Variants in CDH13 observed in about 807,000 individuals in gnomAD.
CDH13 encodes cadherin-13.
In CDH13, 24 loss-of-function variants were observed where a neutral mutation model predicts 63.8. The observed-to-expected ratio is 0.38, with a 90% confidence interval of 0.27 to 0.53. CDH13 has a LOEUF of 0.53. Ranked by LOEUF, CDH13 falls within the 20% of genes least tolerant of loss-of-function variation. The pLI is 0.85. For missense variants in CDH13, 1,049 were observed against 903.1 expected (o/e 1.16, Z -2.07); for synonymous variants, 503 against 355.3 (o/e 1.42, Z -4.67).
intron 7 of CDH13, among the ~76,000 whole-genome samples, chr16:83,521,206 T>C (rs1413276439): frequency 6.6e-6 from 1 of 152,190 alleles, no homozygotes; most frequent in South Asian, 2.1e-4. Context: ...GCGTGTTAGC[T>C]CTCAGTAATT....
chr16:83,677,512 G>T (rs992766015), intron 9 of CDH13, among the ~76,000 whole-genome samples: 1 of 70,834 alleles, frequency 1.4e-5, no homozygotes, highest in Non-Finnish European at 2.9e-5. Flanking sequence ...CATGCCCTCA[G>T]TTGGGCCAGG....
intron 4 of CDH13, among the ~76,000 whole-genome samples, chr16:83,165,975 A>G (rs1407282210): frequency 6.6e-6 from 1 of 152,132 alleles, no homozygotes; most frequent in East Asian, 1.9e-4. Context: ...GCAAAAGAGT[A>G]GTTAGCTCTA....
At chr16:83,200,965 G>GTGTGTGTC (rs34095925) in intron 4 of CDH13, among the ~76,000 whole-genome samples, 3,249 of 144,440 alleles carry the variant, frequency 0.022, 53 homozygotes, top group Non-Finnish European at 0.03. Flanking sequence ...GTGTGTGTGT[G>GTGTGTGTC]TGTGTGTTAT....
chr16:83,312,789 A>C (rs1270889233), intron 5 of CDH13, among the ~76,000 whole-genome samples: 1 of 152,192 alleles, frequency 6.6e-6, no homozygotes, highest in African/African-American at 2.4e-5. Context: ...CCAAACCTAA[A>C]TTGCAAATCT....
At chr16:82,716,216 C>T (rs1274862294) in intron 1 of CDH13, among the ~76,000 whole-genome samples, 1 of 152,142 alleles carries the variant, frequency 6.6e-6, no homozygotes, top group African/African-American at 2.4e-5. Context: ...ATGTCCTCTG[C>T]TTCCTGCCTT....
chr16:83,745,742 G>T (rs568151825), intron 10 of CDH13, among the ~76,000 whole-genome samples: 1 of 152,254 alleles, frequency 6.6e-6, no homozygotes, highest in South Asian at 2.1e-4. Flanking sequence ...ATGGACAAGG[G>T]CAGTTCTTCT....
chr16:83,264,077 T>G (rs755679597), intron 5 of CDH13, among the ~76,000 whole-genome samples: 1 of 152,220 alleles, frequency 6.6e-6, no homozygotes, highest in Non-Finnish European at 1.5e-5. Context: ...TTTCTTAACA[T>G]ACTGCCATTA....
chr16:83,208,976 C>A (rs958786483), intron 4 of CDH13, among the ~76,000 whole-genome samples: 2 of 152,122 alleles, frequency 1.3e-5, no homozygotes, highest in East Asian at 1.9e-4. Flanking sequence ...TTTTCAACTC[C>A]TAAGCATTAC....
chr16:83,477,122 G>A (rs1258092918), intron 6 of CDH13, among the ~76,000 whole-genome samples: 1 of 152,182 alleles, frequency 6.6e-6, no homozygotes, highest in Non-Finnish European at 1.5e-5. Context: ...AGAAAGAAGG[G>A]CAGACACTGG....
At chr16:83,104,994 C>G (rs1329328350) in intron 3 of CDH13, among the ~76,000 whole-genome samples, 1 of 152,200 alleles carries the variant, frequency 6.6e-6, no homozygotes, top group South Asian at 2.1e-4. Context: ...TTTTCTCTCT[C>G]TCTTTTGGCA....
chr16:83,406,420 C>CCA (rs1407298837), intron 6 of CDH13, among the ~76,000 whole-genome samples: 21 of 149,140 alleles, frequency 1.4e-4, no homozygotes, highest in Admixed American at 4.7e-4. Context: ...CTTTCTTTCC[C>CCA]CCCCCGCCTC....
At chr16:83,306,185 GT>G (rs2089872814) in intron 5 of CDH13, among the ~76,000 whole-genome samples, 1 of 152,212 alleles carries the variant, frequency 6.6e-6, no homozygotes, top group African/African-American at 2.4e-5. Context: ...GAGAACTACT[GT>G]TCCAACATAT....
rs573131930 is a variant in CDH13 at position 83,791,733 on chromosome 16, C to T, written c.2135-3290C>T. Among the ~76,000 whole-genome samples, 8 of 148,960 alleles carry T rather than the reference C, an allele frequency of 5.4e-5. No homozygotes were observed. The South Asian group carries it at 1.5e-3, about 28-fold the overall frequency. The stretch of plus-strand genomic sequence containing the variant: ...GGCTGAGGCAGGAGAATCGCTTGAA[C>T]CCAGGAGTTGGAGGTTGCAGTGAGC... On this transcript the variant is annotated intron_variant, in intron 13 of 13. Transcript: ENST00000567109.
At chr16:82,781,298 G>T (rs567381002) in intron 1 of CDH13, among the ~76,000 whole-genome samples, 182 of 152,278 alleles carry the variant, frequency 1.2e-3, no homozygotes, top group African/African-American at 4.1e-3. Context: ...TCCAGCTTTA[G>T]GGAAATGCAG....
At chr16:82,991,420 A>G (rs7500702) in intron 2 of CDH13, among the ~76,000 whole-genome samples, 18,260 of 152,206 alleles carry the variant, frequency 0.12, 1,417 homozygotes, top group African/African-American at 0.22. Context: ...GGCCAGCCTT[A>G]TGTTGATTTA....
At chr16:83,631,719 T>G (rs1289884737) in intron 8 of CDH13, among the ~76,000 whole-genome samples, 1 of 152,126 alleles carries the variant, frequency 6.6e-6, no homozygotes, top group East Asian at 1.9e-4. Context: ...GGAGCCAGCC[T>G]TGGTGACTCC....
At chr16:83,352,755 T>C (rs1274671861) in intron 6 of CDH13, among the ~76,000 whole-genome samples, 2 of 152,154 alleles carry the variant, frequency 1.3e-5, no homozygotes, top group African/African-American at 2.4e-5. Flanking sequence ...CCAGGTGCTG[T>C]GGCAGGCACC....
chr16:83,330,628 C>A (rs2090459929), intron 5 of CDH13, among the ~76,000 whole-genome samples: 1 of 152,118 alleles, frequency 6.6e-6, no homozygotes, highest in South Asian at 2.1e-4. Flanking sequence ...GGAATGAGAG[C>A]CAGAAAAACA....
chr16:82,656,811 A>G (rs1911348729), intron 1 of CDH13, among the ~76,000 whole-genome samples: 2 of 151,972 alleles, frequency 1.3e-5, no homozygotes, highest in Non-Finnish European at 2.9e-5. Context: ...CTTTCCCAGA[A>G]TGTCATATGG....
Sources: gnomAD v4.1 joint callset for allele counts (sites outside exome capture counted in the v4.1 genomes callset) on GRCh38, gnomAD v4.1.1 for gene constraint, MANE v1.5 for transcripts, NCBI Gene and HGNC (gene_info 2026-07-23, HGNC 2026-07-21) for gene names.